THSD7A: variants seen among roughly 807,000 people sequenced by gnomAD.
The protein encoded by THSD7A is thrombospondin type-1 domain-containing protein 7A.
A neutral mutation model predicts 231.3 loss-of-function variants in THSD7A; 96 were observed. That is an observed-to-expected ratio of 0.41 (90% CI 0.35 to 0.49). The LOEUF (loss-of-function observed/expected upper bound fraction) is 0.49, where lower values mean the gene tolerates loss of function less well. THSD7A is among the 20% of genes least tolerant of loss of function. THSD7A has a pLI of 0.05. For synonymous variants in THSD7A, 940 were observed against 743.3 expected, an observed-to-expected ratio of 1.26 and a Z score of -4.30; for missense variants, 2,290 against 2,070.2, an observed-to-expected ratio of 1.11 and a Z score of -2.06.
At chr7:11,461,540 A>T (rs1177076104) in intron 10 of THSD7A, among the ~76,000 whole-genome samples, 1 of 152,212 alleles carries the variant, frequency 6.6e-6, no homozygotes, top group Non-Finnish European at 1.5e-5. Context: ...AGGTGATCAC[A>T]AATGAACAGA....
Position 11,552,692 on chromosome 7 carries a change from C to T in THSD7A, c.1454-9575G>A, listed in dbSNP as rs113500340. 4.8e-3 allele frequency among the ~76,000 whole-genome samples: 734 copies of T among 152,152 alleles called. 5 individuals carry two copies. The highest frequency in any genetic ancestry group is 0.017 in the African/African-American group (701 of 41,520). On this transcript the variant is annotated intron_variant, in intron 4 of 27. Coordinates refer to ENST00000423059, the MANE Select transcript of THSD7A (RefSeq NM_015204.3). ...GCAGTCATAGAAGCTGGTAGTTGTGCCAATCATGTTTAAAATGGCAACCCC... is the reference window on the plus strand; with the variant it reads ...GCAGTCATAGAAGCTGGTAGTTGTGTCAATCATGTTTAAAATGGCAACCCC...
At chr7:11,815,382 T>C (rs895984315) in intron 1 of THSD7A, among the ~76,000 whole-genome samples, 4 of 152,088 alleles carry the variant, frequency 2.6e-5, no homozygotes, top group African/African-American at 7.2e-5. Context: ...CCAGCCTTTA[T>C]ATCATGCCTC....
intron 1 of THSD7A, among the ~76,000 whole-genome samples, chr7:11,819,410 C>A (rs1209645308): frequency 6.6e-6 from 1 of 152,110 alleles, no homozygotes; most frequent in Non-Finnish European, 1.5e-5. Flanking sequence ...TTGGAAGCAA[C>A]CAAGATGCCT....
chr7:11,373,766 A>C lies in THSD7A; in HGVS notation c.*2028T>G, dbSNP rs1782154272. The C allele has an allele frequency of 2.6e-5, 4 of 152,098 alleles. No homozygotes were observed. The allele number at this position is 152,098 out of a possible 1,614,324, so 9.4% of individuals were successfully genotyped here. ...TTCATACTCCAGTATGAAGGTAAAA[A>C]TACCTTCTAATCCAAAACACTTTTA... On this transcript the variant is annotated 3_prime_UTR_variant, in exon 28 of 28. Coordinates refer to ENST00000423059, the MANE Select transcript of THSD7A (RefSeq NM_015204.3).
intron 9 of THSD7A, among the ~76,000 whole-genome samples, chr7:11,469,241 T>C (rs948760773): frequency 2.0e-5 from 3 of 152,160 alleles, no homozygotes; most frequent in Non-Finnish European, 2.9e-5. Context: ...CTGGAGGATG[T>C]TGATACCTTT....
At chr7:11,612,208 G>C (rs1158577169) in intron 2 of THSD7A, among the ~76,000 whole-genome samples, 3 of 152,046 alleles carry the variant, frequency 2.0e-5, no homozygotes, top group Non-Finnish European at 4.4e-5. Flanking sequence ...TGACAGTCAT[G>C]ACTGACCGTG....
rs558530587 is a variant in THSD7A at position 11,633,768 on chromosome 7, T to C, written c.1022+2362A>G. 1.2e-4 allele frequency among the ~76,000 whole-genome samples: 19 copies of C among 152,330 alleles called. No individual in the cohort carries two copies. The South Asian group carries it at 2.1e-3, about 17-fold the overall frequency. ...GCAGGGCAGATCCATCATTGTTAAC[T>C]TAAACATTTGAGCAGTAATTCTAAA... On this transcript the variant is annotated intron_variant, in intron 2 of 27. Transcript: ENST00000423059.
chr7:11,747,573 T>A (rs1042844031), intron 1 of THSD7A, among the ~76,000 whole-genome samples: 2 of 151,956 alleles, frequency 1.3e-5, no homozygotes, highest in Admixed American at 1.3e-4. Context: ...ACAGTACACG[T>A]CAAGCTCTGT....
At chr7:11,542,904 A>C in intron 5 of THSD7A, 58 bp downstream of exon 5, 4 of 1,533,940 alleles carry the variant, frequency 2.6e-6, no homozygotes, top group Non-Finnish European at 3.5e-6. Context: ...TTTAAAAATA[A>C]TTCATGATTT....
At position 11,382,623 on chromosome 7, in the gene THSD7A, G is replaced by A; in HGVS notation, c.4412-7C>T. 6.2e-7 allele frequency: 1 copy of A among 1,607,248 alleles called. No homozygotes were observed. Among genetic ancestry groups the A allele is most frequent in the Non-Finnish European group, 8.5e-7 (1 of 1,174,706 alleles). On this transcript the variant is annotated splice_region_variant and splice_polypyrimidine_tract_variant and intron_variant, in intron 23 of 27. Transcript: ENST00000423059. ...TATTCATAGCACTGTCCATCTGCAGGGAAATAATAAACATTAGCAGAAGCA... is the reference window on the plus strand; with the variant it reads ...TATTCATAGCACTGTCCATCTGCAGAGAAATAATAAACATTAGCAGAAGCA...
chr7:11,666,426 T>C (rs1012153507), intron 1 of THSD7A, among the ~76,000 whole-genome samples: 12 of 88,588 alleles, frequency 1.4e-4, no homozygotes, highest in African/African-American at 5.3e-4. Context: ...TTTCCACTTG[T>C]GGCATTATAG....
At chr7:11,753,919 C>A (rs1263459816) in intron 1 of THSD7A, among the ~76,000 whole-genome samples, 1 of 151,838 alleles carries the variant, frequency 6.6e-6, no homozygotes, top group African/African-American at 2.4e-5. Flanking sequence ...AAAACAGAGG[C>A]ATAGAAACTC....
chr7:11,384,702 T>C (rs1311162228), intron 23 of THSD7A: 1 of 152,042 alleles, frequency 6.6e-6, no homozygotes, highest in Non-Finnish European at 1.5e-5. Context: ...AATGGCTTAA[T>C]TGTTGATCAA....
intron 2 of THSD7A, among the ~76,000 whole-genome samples, chr7:11,603,325 G>C (rs1384640459): frequency 6.6e-6 from 1 of 151,586 alleles, no homozygotes; most frequent in African/African-American, 2.4e-5. Context: ...AAACCACAAT[G>C]AGATACCATC....
intron 22 of THSD7A, among the ~76,000 whole-genome samples, chr7:11,402,502 CT>C (rs1480772433): frequency 3.3e-5 from 5 of 152,256 alleles, no homozygotes; most frequent in African/African-American, 1.2e-4. Flanking sequence ...GGAAATAATG[CT>C]CACTATTTCC....
intron 1 of THSD7A, among the ~76,000 whole-genome samples, chr7:11,733,703 G>A (rs1324040127): frequency 6.6e-6 from 1 of 151,872 alleles, no homozygotes; most frequent in Non-Finnish European, 1.5e-5. Context: ...AAAAATGTGG[G>A]ATCTGAATAA....
At chr7:11,546,202 G>GCGCGCGCGCGCGCACACACACACA (rs761841418) in intron 4 of THSD7A, among the ~76,000 whole-genome samples, 3 of 129,452 alleles carry the variant, frequency 2.3e-5, no homozygotes, top group South Asian at 4.6e-4. Context: ...GTGGGCGCGC[G>GCGCGCGCGCGCGCACACACACACA]CTCACACACA....
At chr7:11,418,636 G>A (rs897485483) in intron 16 of THSD7A, among the ~76,000 whole-genome samples, 1 of 152,136 alleles carries the variant, frequency 6.6e-6, no homozygotes, top group Non-Finnish European at 1.5e-5. Flanking sequence ...ACTTTTATCA[G>A]GGATTTACAA....
chr7:11,649,531 AGT>A (rs1000105072), intron 1 of THSD7A, among the ~76,000 whole-genome samples: 1 of 152,078 alleles, frequency 6.6e-6, no homozygotes, highest in African/African-American at 2.4e-5. Flanking sequence ...GCATATTGAA[AGT>A]GTGCAGGGGC....
Sources: gnomAD v4.1 joint callset for allele counts (sites outside exome capture counted in the v4.1 genomes callset) on GRCh38, gnomAD v4.1.1 for gene constraint, MANE v1.5 for transcripts, NCBI Gene and HGNC (gene_info 2026-07-23, HGNC 2026-07-21) for gene names.